The following CACNA1S variants were observed in gnomAD, a reference collection of about 807,000 sequenced individuals.
The protein encoded by CACNA1S is calcium voltage-gated channel subunit alpha1 S, also known as voltage-dependent L-type calcium channel subunit alpha-1S.
In CACNA1S, 126 loss-of-function variants were observed where a neutral mutation model predicts 207.4. The observed-to-expected ratio is 0.61, with a 90% CI of 0.53 to 0.70. The LOEUF (loss-of-function observed/expected upper bound fraction) is 0.70, where lower values mean the gene tolerates loss of function less well. Ranked by LOEUF, CACNA1S falls within the 30% of genes least tolerant of loss-of-function variation. CACNA1S has a pLI of 0.00. For synonymous variants in CACNA1S, 960 were observed against 932.7 expected (o/e 1.03, Z -0.53); for missense variants, 2,349 against 2,422.8 (o/e 0.97, Z 0.64).
chr1:201,097,611 C>A lies in CACNA1S; in HGVS notation c.259-3590G>T, dbSNP rs906870088. 3.3e-5 allele frequency among the ~76,000 whole-genome samples: 5 copies of A among 152,316 alleles called. No individual in the cohort carries two copies. The East Asian group carries it at 5.8e-4, about 18-fold the overall frequency. On this transcript the variant is annotated intron_variant, in intron 2 of 43. Coordinates refer to ENST00000362061, the MANE Select transcript of CACNA1S (RefSeq NM_000069.3). ...CTCTTTGCTGCCTCCTGACAGACCG[C>A]AGCTTCCTTGAGGCCACGTCATCCT... is the stretch of plus-strand genomic sequence containing the variant.
chr1:201,107,801 C>G (rs752146247), intron 2 of CACNA1S, among the ~76,000 whole-genome samples: 1 of 152,180 alleles, frequency 6.6e-6, no homozygotes, highest in African/African-American at 2.4e-5. Flanking sequence ...GGCTGAGCGA[C>G]CTTGGGTATC....
At chr1:201,109,040 G>C (rs1663002027) in intron 2 of CACNA1S, among the ~76,000 whole-genome samples, 1 of 152,172 alleles carries the variant, frequency 6.6e-6, no homozygotes, top group Non-Finnish European at 1.5e-5. Flanking sequence ...CTGAGGTCAG[G>C]AGTTCGAGGC....
At chr1:201,100,182 A>G (rs980821784) in intron 2 of CACNA1S, among the ~76,000 whole-genome samples, 6 of 152,138 alleles carry the variant, frequency 3.9e-5, no homozygotes, top group African/African-American at 1.4e-4. Flanking sequence ...AAAATAAGTC[A>G]TTTCTTGCAC....
chr1:201,078,844 C>T (rs952991395), intron 10 of CACNA1S, among the ~76,000 whole-genome samples: 1 of 152,006 alleles, frequency 6.6e-6, no homozygotes, highest in Admixed American at 6.6e-5. Flanking sequence ...AAGTCTAGGC[C>T]GAGCGCAGTG....
chr1:201,087,352 A>G (rs1483772888), intron 7 of CACNA1S, among the ~76,000 whole-genome samples: 5 of 152,150 alleles, frequency 3.3e-5, no homozygotes, highest in Non-Finnish European at 5.9e-5. Context: ...CAGGGATTTA[A>G]ATGTGGGCAT....
chr1:201,070,193 T>C (rs539202038), intron 17 of CACNA1S, 79 bp downstream of exon 17: 3 of 1,500,834 alleles, frequency 2.0e-6, no homozygotes, highest in Non-Finnish European at 2.8e-6. Context: ...GCATGGAGAG[T>C]CAGACAGGGT....
chr1:201,066,411 A>G lies in CACNA1S; in HGVS notation c.2658-95T>C. ...CCAGCCATATCCTGCCCTCCACACC[A>G]GCTGCCTTTCTGCCTGAAAACACTC... On this transcript the variant is annotated intron_variant, in intron 20 of 43. Coordinates refer to ENST00000362061, the MANE Select transcript of CACNA1S (RefSeq NM_000069.3). The surrounding 1 kb of genome is among the most constrained non-coding windows in gnomAD (Gnocchi z 4.3). 1.9e-6 allele frequency: 2 copies of G among 1,073,280 alleles called. No individual in the cohort carries two copies. Among genetic ancestry groups the G allele is most frequent in the East Asian group, 4.7e-5 (2 of 42,200 alleles). The allele number at this position is 1,073,280 out of a possible 1,614,324, so 66.5% of individuals were successfully genotyped here.
chr1:201,101,262 T>C (rs1221390986), intron 2 of CACNA1S, among the ~76,000 whole-genome samples: 1 of 152,174 alleles, frequency 6.6e-6, no homozygotes, highest in Non-Finnish European at 1.5e-5. Flanking sequence ...CCAGGGACCT[T>C]TCCACACAGG....
At position 201,040,745 on chromosome 1, in the gene CACNA1S, G is replaced by A. The variant is rs193157424; in HGVS notation, c.5135-32C>T. 6,624 of 1,566,066 alleles carry A rather than the reference G, an allele frequency of 4.2e-3. 21 individuals are homozygous for A. Among genetic ancestry groups the A allele is most frequent in the South Asian group, 6.7e-3 (599 of 89,502 alleles). ...GCAAGAAGGGGCAAGGATAAGAGGG[G>A]CTGCTGACTCCTGCCAGGAGCCCTG... On this transcript the variant is annotated intron_variant, in intron 41 of 43. Transcript: ENST00000362061.
rs146993217 is a variant in CACNA1S at position 201,091,089 on chromosome 1, A to G, written c.694+551T>C. Among the ~76,000 whole-genome samples, 1,419 of 152,284 alleles carry G rather than the reference A, an allele frequency of 9.3e-3. 16 individuals are homozygous for G. The highest frequency in any genetic ancestry group is 0.033 in the African/African-American group (1,368 of 41,550). On this transcript the variant is annotated intron_variant, in intron 5 of 43. Coordinates refer to ENST00000362061, the MANE Select transcript of CACNA1S (RefSeq NM_000069.3). ...CAAAAGCTCTCTGAGGTCCTCAGTA[A>G]TTTATATGAGAGAAAAGGGGTCCTG... is the stretch of plus-strand genomic sequence containing the variant.
In CACNA1S at chr1:201,085,425, T is replaced by C; in HGVS notation, c.1150+11A>G. 6.2e-7 allele frequency: 1 copy of C among 1,613,742 alleles called. No individual in the cohort carries two copies. The highest frequency in any genetic ancestry group is 8.5e-7 in the Non-Finnish European group (1 of 1,179,980). On this transcript the variant is annotated intron_variant, in intron 8 of 43. Coordinates refer to ENST00000362061, the MANE Select transcript of CACNA1S (RefSeq NM_000069.3). Reference sequence around the variant, plus strand: ...TGGGGTGAGTGCTGACCACAGCCTTTGGGCCCAAACCTTCTCTGAAGTCCT... The same window carrying C: ...TGGGGTGAGTGCTGACCACAGCCTTCGGGCCCAAACCTTCTCTGAAGTCCT...
intron 41 of CACNA1S, 120 bp downstream of exon 41, chr1:201,041,384 T>C (rs1660190567): frequency 1.3e-6 from 1 of 764,998 alleles, no homozygotes; most frequent in Admixed American, 2.0e-5. Flanking sequence ...TGACTGCCAT[T>C]GTAACAGGCT....
In CACNA1S at chr1:201,044,298, C is replaced by T. The variant is rs770719748; in HGVS notation, c.4797+30G>A. 2.5e-6 allele frequency: 4 copies of T among 1,611,798 alleles called. No homozygotes were observed. The Admixed American group carries it at 6.7e-5, about 27-fold the overall frequency. ...GACACTGCCACTCATGGTGTCTAGA[C>T]CACTAGGGGTGCTCCTGGCTCTCCC... On this transcript the variant is annotated intron_variant, in intron 39 of 43. Coordinates refer to ENST00000362061, the MANE Select transcript of CACNA1S (RefSeq NM_000069.3).
rs571119595 is a variant in CACNA1S at position 201,078,161 on chromosome 1, A to G, written c.1394-57T>C. 8 of 1,401,912 alleles carry G rather than the reference A, an allele frequency of 5.7e-6. No homozygotes were observed. In the East Asian group the frequency reaches 1.8e-4, roughly 32 times the overall value. The allele number at this position is 1,401,912 out of a possible 1,614,324, so 86.8% of individuals were successfully genotyped here. Reference sequence around the variant, plus strand: ...CTCTCCTTCCCTTCTCCTGACTCCCAGCCTTGGCTGTGGCTGGGCCTCAAC... The same window carrying G: ...CTCTCCTTCCCTTCTCCTGACTCCCGGCCTTGGCTGTGGCTGGGCCTCAAC... On this transcript the variant is annotated intron_variant, in intron 10 of 43. Transcript: ENST00000362061.
At chr1:201,073,519 G>A (rs755678992) in intron 15 of CACNA1S, 30 bp downstream of exon 15, 5 of 1,541,362 alleles carry the variant, frequency 3.2e-6, no homozygotes, top group Non-Finnish European at 4.5e-6. Flanking sequence ...CCCCTAGACT[G>A]CCTCTAACAT....
Position 201,062,463 on chromosome 1 carries a change from T to C in CACNA1S, c.2905A>G (p.Arg969Gly). The C allele has an allele frequency of 6.2e-7, 1 of 1,608,932 alleles. No homozygotes were observed. Among genetic ancestry groups the C allele is most frequent in the Non-Finnish European group, 8.5e-7 (1 of 1,177,362 alleles). ...CACTGTGCTCCCTGCCCCATGTACC[T>C]GCACTCCTCCTCTGTCATCTTGGAC... The part of the protein sequence containing the change: ...DLSKMTEEEC[R>G]GYYYVYKDGD... The change falls in exon 23 of 44, where the codon AGG becomes GGG. Residue 969 changes from arginine to glycine, a missense_variant and splice_region_variant. By Grantham distance (125) the Arg-to-Gly change is moderately radical. Coordinates refer to ENST00000362061, the MANE Select transcript of CACNA1S (RefSeq NM_000069.3).
chr1:201,106,555 T>C (rs1162233486), intron 2 of CACNA1S, among the ~76,000 whole-genome samples: 2 of 152,198 alleles, frequency 1.3e-5, no homozygotes, highest in Non-Finnish European at 2.9e-5. Context: ...CAGTAGGAAA[T>C]GAGTGCTGAT....
At chr1:201,089,000 C>T (rs1368412837) in intron 6 of CACNA1S, among the ~76,000 whole-genome samples, 1 of 152,236 alleles carries the variant, frequency 6.6e-6, no homozygotes, top group African/African-American at 2.4e-5. Flanking sequence ...TCCTGGTTTC[C>T]ATTCTTCACC....
rs148273992 is a variant in CACNA1S, at chr1:201,053,428, G to A, written c.3795+31C>T. On this transcript the variant is annotated intron_variant, in intron 30 of 43. Coordinates refer to ENST00000362061, the MANE Select transcript of CACNA1S (RefSeq NM_000069.3). This position sits in a 1 kb window ranked among gnomAD's most constrained non-coding sequence, Gnocchi z 5.1. Reference sequence around the variant, plus strand: ...CAGATGTCCCTAGTGGCCTCCCCAGGTACGTGCAGTTTCCAGGGTCCCTGT... The same window carrying A: ...CAGATGTCCCTAGTGGCCTCCCCAGATACGTGCAGTTTCCAGGGTCCCTGT... 2.1e-4 allele frequency: 346 copies of A among 1,614,122 alleles called. 6 individuals are homozygous for A. The highest frequency in any genetic ancestry group is 2.1e-3 in the South Asian group (192 of 91,084).
Sources: allele counts gnomAD v4.1 joint callset (sites outside exome capture counted in the v4.1 genomes callset), GRCh38; gene constraint gnomAD v4.1.1; non-coding constraint Gnocchi (gnomAD v3.1); transcripts MANE v1.5; gene names NCBI Gene and HGNC (gene_info 2026-07-23, HGNC 2026-07-21).